UBR4: variants seen among roughly 807,000 people sequenced by gnomAD.
The protein encoded by UBR4 is ubiquitin protein ligase E3 component n-recognin 4, also known as E3 ubiquitin-protein ligase UBR4.
Under a neutral mutation model 575.6 loss-of-function variants are expected in UBR4, and 124 were observed. That is an observed-to-expected ratio of 0.22 (90% confidence interval 0.19 to 0.25). The LOEUF is 0.25. Among genes scored for constraint, UBR4 ranks in the 10% least tolerant of loss-of-function variants. The pLI, the probability that UBR4 is intolerant of heterozygous loss-of-function variation, is 1.00. For synonymous variants in UBR4, 2,455 were observed against 2,473.7 expected (o/e 0.99, Z 0.22); for missense variants, 4,818 against 6,478.8 (o/e 0.74, Z 8.80).
Position 19,146,963 on chromosome 1 carries a change from T to C in UBR4, c.7667A>G (p.Asn2556Ser), listed in dbSNP as rs1455646697. The C allele has an allele frequency of 1.9e-6, 3 of 1,613,368 alleles. No individual in the cohort carries two copies. Among genetic ancestry groups the C allele is most frequent in the South Asian group, 1.1e-5 (1 of 90,878 alleles). The change falls in exon 52 of 106, where the codon AAC becomes AGC. Residue 2556 changes from asparagine to serine, a missense_variant. Physicochemically the swap from Asn to Ser is conservative, Grantham distance 46 (BLOSUM62 1). Coordinates refer to ENST00000375254, the MANE Select transcript of UBR4 (RefSeq NM_020765.3). ...ALLSKAVQCLNTSSKEGKDLD... is the reference protein window; with the variant it reads ...ALLSKAVQCLSTSSKEGKDLD... ...ATCCTTGCCCTCTTTGCTAGATGTG[T>C]TGAGACACTGCACAGCTTTGCTCAG...
chr1:19,085,166 T>C (rs766517893), intron 101 of UBR4, among the ~76,000 whole-genome samples: 3 of 152,250 alleles, frequency 2.0e-5, no homozygotes, highest in South Asian at 2.1e-4. Context: ...GTGCCTCTTA[T>C]TAACTGGGTG....
Position 19,120,246 on chromosome 1 carries a change from A to G in UBR4, c.10244T>C (p.Phe3415Ser). 6.2e-7 allele frequency: 1 copy of G among 1,614,180 alleles called. No individual in the cohort carries two copies. Among genetic ancestry groups the G allele is most frequent in the Middle Eastern group, 1.6e-4 (1 of 6,062 alleles). ...CGAGGAAGAATTGGACTCTAACAGG[A>G]AACAACGCAGGAACTGGATCAGGGT... is the stretch of plus-strand genomic sequence containing the variant. ...KETLIQFLRC[F>S]LLESNSSSVR... The change falls in exon 69 of 106, where the codon TTC (phenylalanine) becomes TCC (serine). Residue 3415 changes from phenylalanine to serine, a missense_variant. Phe to Ser is a radical substitution (Grantham distance 155). This residue lies in a region of UBR4 where 550 missense variants were observed against 791.5 expected (regional missense o/e 0.69). Coordinates refer to ENST00000375254, the MANE Select transcript of UBR4 (RefSeq NM_020765.3).
intron 1 of UBR4, among the ~76,000 whole-genome samples, chr1:19,206,685 A>C (rs1332817806): frequency 2.0e-5 from 3 of 152,206 alleles, no homozygotes; most frequent in Admixed American, 1.3e-4. Flanking sequence ...TTTACTACTA[A>C]AAGACATGCT....
rs1433026381 is a variant in UBR4, at chr1:19,110,323, C to T, written c.11977+57G>A. On this transcript the variant is annotated intron_variant, in intron 80 of 105. Coordinates refer to ENST00000375254, the MANE Select transcript of UBR4 (RefSeq NM_020765.3). The surrounding 1 kb of genome is among the most constrained non-coding windows in gnomAD (Gnocchi z 4.5). ...CAGTTTCCCTCCTCCCCTCCCAGTC[C>T]GGCCAGGACTGCTCCTTTGAGCCTC... 2.5e-6 allele frequency: 4 copies of T among 1,612,826 alleles called. No individual in the cohort carries two copies. The highest frequency in any genetic ancestry group is 2.2e-5 in the East Asian group (1 of 44,856).
rs780874903 is a variant in UBR4 at position 19,122,895 on chromosome 1, G to A, written c.9754C>T (p.Arg3252Trp). 15 of 1,614,212 alleles carry A rather than the reference G, an allele frequency of 9.3e-6. No individual in the cohort carries two copies. The highest frequency in any genetic ancestry group is 3.3e-5 in the South Asian group (3 of 91,090). Residue 3252 changes from arginine to tryptophan, a missense_variant, in exon 66 of 106, where the codon CGG becomes TGG. By Grantham distance (101) the Arg-to-Trp change is moderately radical (BLOSUM62 -3). This residue lies in a region of UBR4 where 550 missense variants were observed against 791.5 expected (regional missense o/e 0.69). Transcript: ENST00000375254. ...KLLEEQGIFL[R>W]ASVVTASSGS... ...GAGCTGGCTGTAACCACACTTGCCC[G>A]GAGGAATATCCCCTGCTCTTCTAGC...
intron 1 of UBR4, among the ~76,000 whole-genome samples, chr1:19,204,536 AT>A (rs201678402): frequency 1.0e-3 from 139 of 132,986 alleles, no homozygotes; most frequent in South Asian, 1.7e-3. Flanking sequence ...ATAAAAAAAA[AT>A]ATATATATAT....
chr1:19,081,481 C>T lies in UBR4; in HGVS notation c.15101G>A (p.Gly5034Glu). 6.2e-7 allele frequency: 1 copy of T among 1,613,944 alleles called. No homozygotes were observed. The highest frequency in any genetic ancestry group is 8.5e-7 in the Non-Finnish European group (1 of 1,180,028). ...GGCCAAGACTGTGAAATAGTAGGGC[C>T]CGTCCACTTCAAAGGCACTCTCCAC... ...KWVESAFEVD[G>E]PYYFTVLALH... The change falls in exon 103 of 106, where the codon GGG becomes GAG. Residue 5034 changes from glycine (G) to glutamate (E), a missense_variant. Physicochemically the swap from Gly to Glu is moderately conservative, Grantham distance 98 (BLOSUM62 -2). Coordinates refer to ENST00000375254, the MANE Select transcript of UBR4 (RefSeq NM_020765.3).
chr1:19,158,398 G>A (rs571805039), intron 39 of UBR4, among the ~76,000 whole-genome samples: 124 of 151,892 alleles, frequency 8.2e-4, no homozygotes, highest in Non-Finnish European at 1.5e-3. Context: ...CTAAAAGTGT[G>A]ACTGATTTTA....
At chr1:19,123,134 T>C in intron 65 of UBR4, 74 bp from the exon 66 acceptor site, 1 of 1,488,906 alleles carries the variant, frequency 6.7e-7, no homozygotes, top group South Asian at 1.2e-5. Context: ...TCTCACACCC[T>C]GGGTTTTAAT....
At chr1:19,141,047 C>T (rs1366005995) in intron 57 of UBR4, among the ~76,000 whole-genome samples, 155 bp from the exon 58 acceptor site, 1 of 152,208 alleles carries the variant, frequency 6.6e-6, no homozygotes, top group Non-Finnish European at 1.5e-5. Flanking sequence ...TGTCCACCCA[C>T]CAAGTTCAGT....
chr1:19,185,182 T>C lies in UBR4; in HGVS notation c.1855A>G (p.Ser619Gly), dbSNP rs1232790023. The stretch of plus-strand genomic sequence containing the variant: ...CTGGGGCTTTTAACCCGAGGAGAGC[T>C]TTCCAGTGGAGGAGGTGGGGGAGGA... The part of the protein sequence containing the change: ...PPPPPPPPLE[S>G]SPRVKSPSKQ... The change falls in exon 15 of 106, where the codon AGC (serine) becomes GGC (glycine). Residue 619 changes from serine (S) to glycine (G), a missense_variant. Ser to Gly is a moderately conservative substitution (Grantham distance 56). Coordinates refer to ENST00000375254, the MANE Select transcript of UBR4 (RefSeq NM_020765.3). The C allele has an allele frequency of 2.5e-6, 4 of 1,614,014 alleles. No individual in the cohort carries two copies.
At chr1:19,082,639 C>T (rs748114731) in intron 102 of UBR4, among the ~76,000 whole-genome samples, 13 of 151,946 alleles carry the variant, frequency 8.6e-5, no homozygotes, top group Admixed American at 1.3e-4. Context: ...ACACTAGAAC[C>T]GGGAAAAAAA....
chr1:19,198,578 C>G lies in UBR4; in HGVS notation c.611G>C (p.Arg204Thr). ...LNQLTSVFNPRTVASQPISTQ... is the reference protein window; with the variant it reads ...LNQLTSVFNPTTVASQPISTQ... ...ACTGATAGGTTGTGATGCTACAGTT[C>G]TAGGGTTAAAAACTGAGGTCAGCTG... Residue 204 changes from arginine to threonine, a missense_variant, in exon 5 of 106, where the codon AGA becomes ACA. Transcript: ENST00000375254. The G allele has an allele frequency of 6.2e-7, 1 of 1,614,126 alleles. No homozygotes were observed. Among genetic ancestry groups the G allele is most frequent in the Non-Finnish European group, 8.5e-7 (1 of 1,180,016 alleles).
rs941958240 is a variant in UBR4, at chr1:19,139,652, G to C, written c.8594-432C>G. 3.9e-5 allele frequency among the ~76,000 whole-genome samples: 6 copies of C among 152,176 alleles called. No individual in the cohort carries two copies. The highest frequency in any genetic ancestry group is 2.1e-4 in the South Asian group (1 of 4,828). ...ACTAGCCATTACCATTCAAAGCATA[G>C]AACTCTGAATTTTAATGAGACTTGT... On this transcript the variant is annotated intron_variant, in intron 58 of 105. Transcript: ENST00000375254. This position sits in a 1 kb window ranked among gnomAD's most constrained non-coding sequence, Gnocchi z 4.2.
chr1:19,130,913 T>C (rs1023921113), intron 60 of UBR4, among the ~76,000 whole-genome samples: 3 of 152,012 alleles, frequency 2.0e-5, no homozygotes, highest in African/African-American at 7.3e-5. Context: ...TTCATTCATT[T>C]TGTTATTTTT....
rs757197914 is a variant in UBR4 at position 19,164,805 on chromosome 1, T to A, written c.4505A>T (p.Glu1502Val). 5 of 1,613,930 alleles carry A rather than the reference T, an allele frequency of 3.1e-6. No individual in the cohort carries two copies. In the Admixed American group the frequency reaches 8.3e-5, roughly 27 times the overall value. ...LQLLTTYIVR[E>V]NSQVGEGVCA... Reference sequence around the variant, plus strand: ...AGAAATGTAGTTGTTCTACCTGTTTTCCCGAACAATGTATGTGGTCAGTAA... The same window carrying A: ...AGAAATGTAGTTGTTCTACCTGTTTACCCGAACAATGTATGTGGTCAGTAA... The change falls in exon 32 of 106, where the codon GAA becomes GTA. Residue 1502 changes from glutamate to valine, a missense_variant. Coordinates refer to ENST00000375254, the MANE Select transcript of UBR4 (RefSeq NM_020765.3).
In UBR4 at chr1:19,112,661, C is replaced by T. The variant is rs1318957166; in HGVS notation, c.11664G>A (p.Arg3888=). The change falls in exon 78 of 106, where the codon CGG becomes CGA. Residue 3888 remains arginine (R), a synonymous_variant. Coordinates refer to ENST00000375254, the MANE Select transcript of UBR4 (RefSeq NM_020765.3). The stretch of plus-strand genomic sequence containing the variant: ...TCAAGGCTGGGTTGGTGGCCAGGGC[C>T]CGAAGTAGTGTGATACAATGTTCTG... ...AVTEHCITLL[R]ALATNPALRH... 2 of 1,614,218 alleles carry T rather than the reference C, an allele frequency of 1.2e-6. No individual in the cohort carries two copies. The highest frequency in any genetic ancestry group is 1.3e-5 in the African/African-American group (1 of 75,048).
intron 8 of UBR4, among the ~76,000 whole-genome samples, chr1:19,194,570 G>A (rs142869297): frequency 0.022 from 3,400 of 152,300 alleles, 59 homozygotes; most frequent in Middle Eastern, 0.044. Flanking sequence ...GGGAGGCCCA[G>A]GTGGGTGGAT....
In UBR4 at chr1:19,076,773, C is replaced by A. The variant is rs893675280; in HGVS notation, c.15454G>T (p.Val5152Leu). Residue 5152 changes from valine to leucine, a missense_variant, in exon 105 of 106, where the codon GTG becomes TTG. This residue lies in a region of UBR4 where 212 missense variants were observed against 221.3 expected (regional missense o/e 0.96). Transcript: ENST00000375254. ...LKTFQEEFMPVETFSEFLDVA... is the reference protein window; with the variant it reads ...LKTFQEEFMPLETFSEFLDVA... Reference sequence around the variant, plus strand: ...TCGAGGAACTCTGAGAAGGTCTCCACTGGCATGAACTCCTCCTGGAAGGTT... The same window carrying A: ...TCGAGGAACTCTGAGAAGGTCTCCAATGGCATGAACTCCTCCTGGAAGGTT... The A allele has an allele frequency of 6.2e-7, 1 of 1,614,190 alleles. No individual in the cohort carries two copies.
Sources: allele counts gnomAD v4.1 joint callset (sites outside exome capture counted in the v4.1 genomes callset), GRCh38; gene constraint gnomAD v4.1.1; regional missense constraint gnomAD v4.1.1; non-coding constraint Gnocchi (gnomAD v3.1); transcripts MANE v1.5; gene names NCBI Gene and HGNC (gene_info 2026-07-23, HGNC 2026-07-21).